Variants in ECT2 observed in about 807,000 individuals in gnomAD.
ECT2 encodes the protein protein ECT2.
A neutral mutation model predicts 116.9 loss-of-function variants in ECT2; 61 were observed. The observed-to-expected ratio is 0.52, with a 90% CI of 0.42 to 0.65. The LOEUF is 0.65. Ranked by LOEUF, ECT2 falls within the 30% of genes least tolerant of loss-of-function variation. The pLI, the probability that ECT2 is intolerant of heterozygous loss-of-function variation, is 0.00. For missense variants in ECT2, 937 were observed against 1,078.7 expected (o/e 0.87, Z 1.84); for synonymous variants, 358 against 346.4 (o/e 1.03, Z -0.37).
chr3:172,763,705 A>G (rs1321194673), intron 11 of ECT2, among the ~76,000 whole-genome samples: 3 of 152,204 alleles, frequency 2.0e-5, no homozygotes, highest in African/African-American at 7.2e-5. Context: ...CCAAAATGAC[A>G]AAGTTATGGA....
chr3:172,802,855 A>C lies in ECT2; in HGVS notation c.1987-6A>C. 6.2e-7 allele frequency: 1 copy of C among 1,609,668 alleles called. No homozygotes were observed. Among genetic ancestry groups the C allele is most frequent in the Non-Finnish European group, 8.5e-7 (1 of 1,178,544 alleles). ...ATCTCTTTTGTTATATTTTCAACCT[A>C]TACAGGCTAATCTTTTATCTTCTCA... is the stretch of plus-strand genomic sequence containing the variant. On this transcript the variant is annotated splice_polypyrimidine_tract_variant and splice_region_variant and intron_variant, in intron 19 of 24. Transcript: ENST00000392692.
At chr3:172,784,604 G>A in intron 16 of ECT2, 103 bp from the exon 17 acceptor site, 3 of 809,944 alleles carry the variant, frequency 3.7e-6, no homozygotes, top group Non-Finnish European at 6.2e-6. Context: ...TTCTCTATTA[G>A]TTTGTATCAC....
intron 18 of ECT2, among the ~76,000 whole-genome samples, chr3:172,790,907 C>G (rs1341064402): frequency 6.6e-6 from 1 of 152,226 alleles, no homozygotes; most frequent in East Asian, 1.9e-4. Context: ...GTAATCCCAG[C>G]ACTTTGGGAG....
chr3:172,765,237 A>G (rs934743869), intron 12 of ECT2, among the ~76,000 whole-genome samples: 4 of 152,108 alleles, frequency 2.6e-5, no homozygotes, highest in Admixed American at 2.6e-4. Context: ...TCCTTTATGG[A>G]CACAATTTTT....
chr3:172,818,529 C>T (rs1230232532), intron 24 of ECT2: 2 of 1,228,396 alleles, frequency 1.6e-6, no homozygotes, highest in Non-Finnish European at 2.1e-6. Flanking sequence ...TTCTCAATTG[C>T]TTGTTTCTGT....
At chr3:172,770,954 G>A (rs1364929561) in intron 13 of ECT2, among the ~76,000 whole-genome samples, 1 of 152,058 alleles carries the variant, frequency 6.6e-6, no homozygotes, top group Non-Finnish European at 1.5e-5. Flanking sequence ...TTTACTACTC[G>A]TTTAGTTTAG....
the ECT2 span, among the ~76,000 whole-genome samples, chr3:172,827,363 G>T: frequency 6.6e-6 from 1 of 152,316 alleles, no homozygotes; most frequent in East Asian, 1.9e-4. Flanking sequence ...CAATAGCCAA[G>T]ATATGGAATC....
intron 24 of ECT2, among the ~76,000 whole-genome samples, chr3:172,817,323 C>T (rs2109362409): frequency 6.6e-6 from 1 of 152,084 alleles, no homozygotes; most frequent in East Asian, 1.9e-4. Flanking sequence ...CTGAGAAAAC[C>T]CTACTATGAA....
chr3:172,760,712 CTTTTTTTTTTTTT>C (rs60727631), intron 7 of ECT2, among the ~76,000 whole-genome samples: 7 of 76,192 alleles, frequency 9.2e-5, no homozygotes, highest in Admixed American at 3.9e-4. Context: ...GTCTAAGTGC[CTTTTTTTTTTTTT>C]TTTTTTTTTT....
chr3:172,773,384 TGCCAAAC>T (rs1721016914), intron 13 of ECT2, among the ~76,000 whole-genome samples: 1 of 152,148 alleles, frequency 6.6e-6, no homozygotes, highest in Admixed American at 6.5e-5. Flanking sequence ...CTTATGGCCT[TGCCAAAC>T]TCATTGTTAG....
At position 172,773,967 on chromosome 3, in the gene ECT2, T is replaced by G; in HGVS notation, c.1493T>G (p.Ile498Ser). 6.2e-7 allele frequency: 1 copy of G among 1,613,182 alleles called. No individual in the cohort carries two copies. The highest frequency in any genetic ancestry group is 8.5e-7 in the Non-Finnish European group (1 of 1,179,172). Residue 498 changes from isoleucine to serine, a missense_variant, in exon 14 of 25, where the codon ATT (isoleucine) becomes AGT (serine). By Grantham distance (142) the Ile-to-Ser change is moderately radical. Coordinates refer to ENST00000392692, the MANE Select transcript of ECT2 (RefSeq NM_001258315.2). ...RGGPILAPEE[I>S]KTIFGSIPDI... ...GGACCTATCCTTGCACCAGAGGAGA[T>G]TAAGACTATTTTTGGTAGCATCCCA...
At chr3:172,767,746 T>C (rs187501575) in intron 12 of ECT2, among the ~76,000 whole-genome samples, 102 of 146,550 alleles carry the variant, frequency 7.0e-4, no homozygotes, top group Admixed American at 1.2e-3. Context: ...AGACGGAGTC[T>C]TGCTTGGTCG....
In ECT2 at chr3:172,802,897, C is replaced by A. The variant is rs1365878389; in HGVS notation, c.2023C>A (p.Arg675=). The A allele has an allele frequency of 1.2e-6, 2 of 1,612,918 alleles. No homozygotes were observed. Among genetic ancestry groups the A allele is most frequent in the Admixed American group, 1.7e-5 (1 of 59,944 alleles). ...LLSSHRSLVQ[R]VETISLGEHP... is the part of the protein sequence containing the mutation. ...ATCTTCTCACCGAAGCTTAGTACAGCGGGTTGAAACAATTTCTCTAGGTGA... is the reference window on the plus strand; with the variant it reads ...ATCTTCTCACCGAAGCTTAGTACAGAGGGTTGAAACAATTTCTCTAGGTGA... Residue 675 remains arginine, a synonymous_variant, in exon 20 of 25, where the codon CGG becomes AGG. Coordinates refer to ENST00000392692, the MANE Select transcript of ECT2 (RefSeq NM_001258315.2).
At chr3:172,773,716 C>T (rs1721101549) in intron 13 of ECT2, among the ~76,000 whole-genome samples, 187 bp from the exon 14 acceptor site, 1 of 152,098 alleles carries the variant, frequency 6.6e-6, no homozygotes, top group Admixed American at 6.5e-5. Flanking sequence ...TACATATACA[C>T]AGGTATATAA....
intron 1 of ECT2, among the ~76,000 whole-genome samples, chr3:172,753,313 G>A (rs1716304884): frequency 6.6e-6 from 1 of 152,074 alleles, no homozygotes; most frequent in African/African-American, 2.4e-5. Context: ...GCCCAGTCTG[G>A]TGTTGAAGTC....
chr3:172,761,590 T>G lies in ECT2; in HGVS notation c.685-20T>G. 2 of 1,556,902 alleles carry G rather than the reference T, an allele frequency of 1.3e-6. No individual in the cohort carries two copies. Among genetic ancestry groups the G allele is most frequent in the African/African-American group, 1.4e-5 (1 of 73,796 alleles). ...GCAGTTATTTAAGGAGAAAATTCAC[T>G]GTAATGTTTATATTTTTAGGTTGCT... On this transcript the variant is annotated intron_variant, in intron 7 of 24. Coordinates refer to ENST00000392692, the MANE Select transcript of ECT2 (RefSeq NM_001258315.2).
intron 14 of ECT2, among the ~76,000 whole-genome samples, chr3:172,774,577 C>G (rs1721308964): frequency 6.6e-6 from 1 of 152,064 alleles, no homozygotes; most frequent in Non-Finnish European, 1.5e-5. Context: ...GCAACCTTGA[C>G]CTCCTGGGCT....
chr3:172,818,605 C>T, intron 24 of ECT2: 1 of 1,288,090 alleles, frequency 7.8e-7, no homozygotes, highest in Non-Finnish European at 1.0e-6. Flanking sequence ...TGTTTATGTT[C>T]AGCGCCTAAA....
chr3:172,791,295 C>T (rs1194811010), intron 18 of ECT2, among the ~76,000 whole-genome samples: 2 of 152,032 alleles, frequency 1.3e-5, no homozygotes, highest in Non-Finnish European at 2.9e-5. Flanking sequence ...TTGGCTTCAA[C>T]ATAGTCAGTC....
Sources: gnomAD v4.1 joint callset for allele counts (sites outside exome capture counted in the v4.1 genomes callset) on GRCh38, gnomAD v4.1.1 for gene constraint, MANE v1.5 for transcripts, NCBI Gene and HGNC (gene_info 2026-07-23, HGNC 2026-07-21) for gene names.